Variants in SLC5A4 observed in about 807,000 individuals in gnomAD.
SLC5A4 encodes solute carrier family 5 member 4, also known as probable glucose sensor protein SLC5A4.
SLC5A4 carries 55 observed loss-of-function variants against 70.3 expected under a neutral mutation model. That is an observed-to-expected ratio of 0.78 (90% CI 0.63 to 0.98). The LOEUF (loss-of-function observed/expected upper bound fraction) is 0.98, where lower values mean the gene tolerates loss of function less well. Ranked by LOEUF, SLC5A4 falls within the 50% of genes least tolerant of loss-of-function variation. The pLI is 0.00. For missense variants in SLC5A4, 735 were observed against 839.2 expected (o/e 0.88, Z 1.53); for synonymous variants, 268 against 305.7 (o/e 0.88, Z 1.29).
chr22:32,219,949 T>G (rs939182260), intron 14 of SLC5A4, among the ~76,000 whole-genome samples: 1 of 152,028 alleles, frequency 6.6e-6, no homozygotes, highest in Non-Finnish European at 1.5e-5. Context: ...ATGTATAATT[T>G]TCCAAAAACA....
At chr22:32,345,661 G>C in the SLC5A4 span, among the ~76,000 whole-genome samples, 1 of 152,028 alleles carries the variant, frequency 6.6e-6, no homozygotes, top group East Asian at 1.9e-4. Context: ...CAAATTAACT[G>C]CATCAAACTC....
At chr22:32,240,863 T>C (rs181366328) in intron 5 of SLC5A4, among the ~76,000 whole-genome samples, 2 of 152,370 alleles carry the variant, frequency 1.3e-5, no homozygotes, top group Admixed American at 1.3e-4. Flanking sequence ...CACTTTGTTA[T>C]ACTGCTATCA....
the SLC5A4 span, among the ~76,000 whole-genome samples, chr22:32,311,976 A>T: frequency 6.7e-6 from 1 of 150,186 alleles, no homozygotes; most frequent in African/African-American, 2.5e-5. Context: ...GCGCCTGGGC[A>T]CCCCCCTTCC....
chr22:32,326,455 C>A, the SLC5A4 span, among the ~76,000 whole-genome samples: 103,315 of 151,688 alleles, frequency 0.68, 35,349 homozygotes, highest in Middle Eastern at 0.8. Flanking sequence ...CAGTTTCACC[C>A]TGTTGGTCAG....
At chr22:32,289,061 C>T in the SLC5A4 span, among the ~76,000 whole-genome samples, 2 of 151,832 alleles carry the variant, frequency 1.3e-5, no homozygotes, top group Admixed American at 6.6e-5. Context: ...GAAAGCTTTC[C>T]GTATTTCAAG....
the SLC5A4 span, among the ~76,000 whole-genome samples, chr22:32,311,979 C>G: frequency 6.6e-6 from 1 of 152,108 alleles, no homozygotes; most frequent in Non-Finnish European, 1.5e-5. Flanking sequence ...CCTGGGCACC[C>G]CCCTTCCCCA....
chr22:32,306,355 A>G, the SLC5A4 span, among the ~76,000 whole-genome samples: 1 of 151,650 alleles, frequency 6.6e-6, no homozygotes, highest in African/African-American at 2.4e-5. Context: ...AGTCCCAGCT[A>G]CTTGGCAGGC....
chr22:32,268,788 A>C, the SLC5A4 span, among the ~76,000 whole-genome samples: 1 of 152,198 alleles, frequency 6.6e-6, no homozygotes, highest in African/African-American at 2.4e-5. Flanking sequence ...TGTGCTGTCT[A>C]ATGTGGTAGT....
intron 6 of SLC5A4, 49 bp downstream of exon 6, chr22:32,238,936 G>T: frequency 7.9e-7 from 1 of 1,266,144 alleles, no homozygotes; most frequent in Non-Finnish European, 1.2e-6. Context: ...AGGTTGGGGT[G>T]GGATCAGCAA....
chr22:32,316,444 C>A, the SLC5A4 span, among the ~76,000 whole-genome samples: 8 of 152,042 alleles, frequency 5.3e-5, no homozygotes, highest in African/African-American at 1.7e-4. Flanking sequence ...AATGAATGTT[C>A]ATGTACCAAA....
At chr22:32,317,344 A>G in the SLC5A4 span, among the ~76,000 whole-genome samples, 40 of 152,154 alleles carry the variant, frequency 2.6e-4, 1 homozygote, top group Admixed American at 2.6e-3. Context: ...ACTCAAAAAG[A>G]AAAGAAAGAC....
chr22:32,321,748 TAAG>T, the SLC5A4 span, among the ~76,000 whole-genome samples: 3 of 152,220 alleles, frequency 2.0e-5, no homozygotes, highest in Non-Finnish European at 4.4e-5. Context: ...GTTAGTTTGC[TAAG>T]AATAATGGCT....
In SLC5A4 at chr22:32,254,212, G is replaced by A. The variant is rs1469131886; in HGVS notation, c.137C>T (p.Ala46Val). The change falls in exon 2 of 15, where the codon GCG becomes GTG. Residue 46 changes from alanine (A) to valine (V), a missense_variant and splice_region_variant. Physicochemically the swap from Ala to Val is moderately conservative, Grantham distance 64. Transcript: ENST00000266086. ...FLVVMAVGLWAMLKTNRGTIG... is the reference protein window; with the variant it reads ...FLVVMAVGLWVMLKTNRGTIG... ...AGTACCTCGGTTGGTCTTCAGCATC[G>A]CCTGAGCAGAAGGGAAGACAGGTGA... 28 of 1,612,530 alleles carry A rather than the reference G, an allele frequency of 1.7e-5. No individual in the cohort carries two copies. Among genetic ancestry groups the A allele is most frequent in the Non-Finnish European group, 2.2e-5 (26 of 1,178,716 alleles).
intron 13 of SLC5A4, among the ~76,000 whole-genome samples, chr22:32,224,035 C>G (rs1170713921): frequency 6.6e-6 from 1 of 152,146 alleles, no homozygotes; most frequent in Non-Finnish European, 1.5e-5. Flanking sequence ...ATTCTCCTGC[C>G]TCAGCCTCCC....
At chr22:32,256,625 T>C (rs768823926), upstream of SLC5A4, among the ~76,000 whole-genome samples, 2 of 152,186 alleles carry the variant, frequency 1.3e-5, no homozygotes, top group African/African-American at 2.4e-5. Flanking sequence ...TCTTTCTTAC[T>C]ATATAAATTT....
At chr22:32,354,988 A>C in the SLC5A4 span, 1 of 152,172 alleles carries the variant, frequency 6.6e-6, no homozygotes, top group South Asian at 2.1e-4. Context: ...TGTGCTCAGG[A>C]AGTGACTCGT....
chr22:32,270,786 C>T, the SLC5A4 span: 3 of 607,178 alleles, frequency 4.9e-6, no homozygotes, highest in Non-Finnish European at 6.1e-6. Context: ...TCATGAGTGC[C>T]GACGGCCGCG....
At chr22:32,334,822 G>T in the SLC5A4 span, among the ~76,000 whole-genome samples, 1 of 152,192 alleles carries the variant, frequency 6.6e-6, no homozygotes, top group African/African-American at 2.4e-5. Context: ...ACAAGGACAT[G>T]TCCCTTAGAA....
intron 3 of SLC5A4, among the ~76,000 whole-genome samples, chr22:32,250,210 G>C (rs1297602573): frequency 1.3e-5 from 2 of 152,162 alleles, no homozygotes; most frequent in Non-Finnish European, 2.9e-5. Context: ...GACCACAGAA[G>C]TGCTGAAGGT....
Sources: gnomAD v4.1 joint callset for allele counts (sites outside exome capture counted in the v4.1 genomes callset) on GRCh38, gnomAD v4.1.1 for gene constraint, MANE v1.5 for transcripts, NCBI Gene and HGNC (gene_info 2026-07-23, HGNC 2026-07-21) for gene names.